TACC2: variants seen among roughly 807,000 people sequenced by gnomAD.
The protein encoded by TACC2 is transforming acidic coiled-coil containing protein 2, also known as transforming acidic coiled-coil-containing protein 2.
Under a neutral mutation model 227.3 loss-of-function variants are expected in TACC2, and 137 were observed. The ratio of observed to expected loss-of-function variants is 0.60; its 90% CI spans 0.52 to 0.69. The LOEUF is 0.69. Ranked by LOEUF, TACC2 falls within the 30% of genes least tolerant of loss-of-function variation. The probability of loss-of-function intolerance (pLI) is 0.00; values close to 1 mark genes in which losing one functional copy is unlikely to be tolerated. For missense variants in TACC2, 3,470 were observed against 3,694.4 expected (o/e 0.94, Z 1.57); for synonymous variants, 1,523 against 1,487.5 (o/e 1.02, Z -0.55).
rs746194917 is a variant in TACC2, at chr10:122,241,961, A to T, written c.8352A>T (p.Lys2784Asn). ...ESRREVMEMRKIVAEYEKTIA... is the reference protein window; with the variant it reads ...ESRREVMEMRNIVAEYEKTIA... ...CGTGTCTTTACTTCTCTTATAGGAA[A>T]ATAGTGGCCGAGTATGAGAAGACCA... Residue 2784 changes from lysine to asparagine, a missense_variant, in exon 19 of 23, where the codon AAA becomes AAT. Transcript: ENST00000369005. 6.2e-7 allele frequency: 1 copy of T among 1,614,194 alleles called. No individual in the cohort carries two copies. The highest frequency in any genetic ancestry group is 1.1e-5 in the South Asian group (1 of 91,090).
At chr10:122,200,656 A>G (rs2094771633) in intron 8 of TACC2, among the ~76,000 whole-genome samples, 1 of 144,092 alleles carries the variant, frequency 6.9e-6, no homozygotes, top group Non-Finnish European at 1.5e-5. Flanking sequence ...GGCCACATTT[A>G]CAGTGAGAGG....
chr10:122,235,492 C>T (rs1173048269), intron 16 of TACC2, among the ~76,000 whole-genome samples: 2 of 152,282 alleles, frequency 1.3e-5, no homozygotes, highest in African/African-American at 2.4e-5. Flanking sequence ...CCTCAGCCTC[C>T]CAAAGTGTTG....
rs751908069 is a variant in TACC2 at position 122,050,518 on chromosome 10, G to C, written c.114G>C (p.Thr38=). The C allele has an allele frequency of 6.2e-7, 1 of 1,614,016 alleles. No individual in the cohort carries two copies. Among genetic ancestry groups the C allele is most frequent in the South Asian group, 1.1e-5 (1 of 91,058 alleles). The change falls in exon 3 of 23, where the codon ACG becomes ACC. Residue 38 remains threonine, a synonymous_variant. Coordinates refer to ENST00000369005, the MANE Select transcript of TACC2 (RefSeq NM_206862.4). This position sits in a 1 kb window ranked among gnomAD's most constrained non-coding sequence, Gnocchi z 4.6. ...SQNIKRKQQD[T]PGSPDHRDAS... ...ATATAAAAAGGAAGCAGCAGGACAC[G>C]CCCGGAAGCCCTGACCACAGAGACG... is the stretch of plus-strand genomic sequence containing the variant.
At chr10:122,162,334 A>G (rs1815445858) in intron 7 of TACC2, among the ~76,000 whole-genome samples, 1 of 152,166 alleles carries the variant, frequency 6.6e-6, no homozygotes, top group Non-Finnish European at 1.5e-5. Flanking sequence ...AAAACAGTGT[A>G]TTGGAGGCAA....
At chr10:122,024,623 T>C (rs1957766644) in intron 2 of TACC2, among the ~76,000 whole-genome samples, 1 of 152,220 alleles carries the variant, frequency 6.6e-6, no homozygotes, top group African/African-American at 2.4e-5. Flanking sequence ...TATAATTTTA[T>C]CATTTCAAGA....
intron 5 of TACC2, among the ~76,000 whole-genome samples, chr10:122,126,316 C>CTGTGCGTGTGTGTG (rs1555053282): frequency 7.0e-6 from 1 of 142,018 alleles, no homozygotes; most frequent in East Asian, 2.1e-4. Flanking sequence ...TAATCCAGAA[C>CTGTGCGTGTGTGTG]TGTGTGTGTG....
chr10:122,103,064 T>C (rs2082350135), intron 5 of TACC2, among the ~76,000 whole-genome samples: 1 of 151,802 alleles, frequency 6.6e-6, no homozygotes, highest in Non-Finnish European at 1.5e-5. Flanking sequence ...CTCAGAAGAC[T>C]AAAGCACTAT....
At chr10:122,220,040 A>G (rs1313793375) in intron 11 of TACC2, among the ~76,000 whole-genome samples, 2 of 140,370 alleles carry the variant, frequency 1.4e-5, no homozygotes, top group Non-Finnish European at 3.0e-5. Flanking sequence ...TCTGTCTCCA[A>G]AAAAAAAAAA....
At chr10:122,002,013 A>G (rs1313119142) in intron 1 of TACC2, among the ~76,000 whole-genome samples, 1 of 152,232 alleles carries the variant, frequency 6.6e-6, no homozygotes, top group African/African-American at 2.4e-5. Context: ...AGAATATCAT[A>G]GACTGGTGAA....
intron 7 of TACC2, among the ~76,000 whole-genome samples, chr10:122,165,333 T>C (rs987929522): frequency 1.3e-5 from 2 of 152,206 alleles, no homozygotes; most frequent in Non-Finnish European, 2.9e-5. Context: ...TGACAGGCAC[T>C]GGCCAACTCT....
intron 1 of TACC2, among the ~76,000 whole-genome samples, chr10:122,001,429 T>C (rs1954321178): frequency 6.6e-6 from 1 of 152,088 alleles, no homozygotes; most frequent in Admixed American, 6.6e-5. Flanking sequence ...AAGAGCACCA[T>C]GGGAAAGACC....
chr10:122,048,501 T>A (rs1014612639), intron 2 of TACC2, among the ~76,000 whole-genome samples: 1 of 139,636 alleles, frequency 7.2e-6, no homozygotes, highest in African/African-American at 2.6e-5. Flanking sequence ...TCCCTCTTCC[T>A]TTCTTTTCCT....
intron 7 of TACC2, among the ~76,000 whole-genome samples, chr10:122,189,164 T>TTATGCCA (rs2094322533): frequency 6.6e-6 from 1 of 152,060 alleles, no homozygotes. Context: ...CAGCGAGGTG[T>TTATGCCA]GTGTGTGTGC....
Position 122,118,739 on chromosome 10 carries a change from T to C in TACC2, c.5574-13870T>C, listed in dbSNP as rs202127630. 4.8e-3 allele frequency among the ~76,000 whole-genome samples: 727 copies of C among 152,308 alleles called. 6 individuals carry two copies. The highest frequency in any genetic ancestry group is 0.017 in the African/African-American group (699 of 41,568). ...ACACCAACTAAAATTTTGCCTCATC[T>C]ATATAAGAATACTGGTGGCATTTGT... is the stretch of plus-strand genomic sequence containing the variant. On this transcript the variant is annotated intron_variant, in intron 5 of 22. Transcript: ENST00000369005.
chr10:122,121,894 C>T (rs868212486), intron 5 of TACC2, among the ~76,000 whole-genome samples: 1 of 152,296 alleles, frequency 6.6e-6, no homozygotes, highest in Non-Finnish European at 1.5e-5. Context: ...GGGGCTGTGC[C>T]GCTGAACTCT....
Position 122,227,163 on chromosome 10 carries a change from A to G in TACC2, c.7725-674A>G, listed in dbSNP as rs367631193. Among the ~76,000 whole-genome samples the G allele has an allele frequency of 2.3e-3, 343 of 152,306 alleles. 3 individuals are homozygous for G. The highest frequency in any genetic ancestry group is 0.017 in the Middle Eastern group (5 of 294). ...ATGCTGTGTGTAAAGCTCTTGTTGA[A>G]GTACCTGGCACACCTCAAGTGCCTG... On this transcript the variant is annotated intron_variant, in intron 13 of 22. Transcript: ENST00000369005.
intron 5 of TACC2, among the ~76,000 whole-genome samples, chr10:122,129,055 A>ATTTTTTT: frequency 1.1e-5 from 1 of 94,548 alleles, no homozygotes. Flanking sequence ...GATCTATCTT[A>ATTTTTTT]TTTTAATTAT....
chr10:122,040,730 G>C (rs1213601321), intron 2 of TACC2, among the ~76,000 whole-genome samples: 1 of 152,126 alleles, frequency 6.6e-6, no homozygotes, highest in Non-Finnish European at 1.5e-5. Context: ...TATTGTCTGG[G>C]TGTTTCTGTA....
chr10:122,107,794 C>CCGTA (rs1173857797), intron 5 of TACC2, among the ~76,000 whole-genome samples: 2 of 150,150 alleles, frequency 1.3e-5, no homozygotes, highest in Non-Finnish European at 3.0e-5. Context: ...GCAGTGTACA[C>CCGTA]CGTACCCAGT....
Sources: gnomAD v4.1 joint callset for allele counts (sites outside exome capture counted in the v4.1 genomes callset) on GRCh38, gnomAD v4.1.1 for gene constraint, Gnocchi (gnomAD v3.1) non-coding constraint, MANE v1.5 for transcripts, NCBI Gene and HGNC (gene_info 2026-07-23, HGNC 2026-07-21) for gene names.